The following TMEM200A variants were observed in gnomAD, a reference collection of about 807,000 sequenced individuals.
TMEM200A encodes transmembrane protein 200A, also known as two transmembrane C.
In TMEM200A, 12 loss-of-function variants were observed where a neutral mutation model predicts 24.3. That is an observed-to-expected ratio of 0.49 (90% CI 0.32 to 0.80). The LOEUF is 0.80. TMEM200A is among the 30% of genes least tolerant of loss of function. The probability of loss-of-function intolerance (pLI) is 0.04; values close to 1 mark genes in which losing one functional copy is unlikely to be tolerated. For synonymous variants in TMEM200A, 224 were observed against 224.4 expected, an observed-to-expected ratio of 1.00 and a Z score of 0.02; for missense variants, 545 against 614.4, an observed-to-expected ratio of 0.89 and a Z score of 1.19.
At chr6:130,424,114 C>CTGTT (rs76739546) in intron 2 of TMEM200A, among the ~76,000 whole-genome samples, 23,121 of 152,002 alleles carry the variant, frequency 0.15, 1,945 homozygotes, top group East Asian at 0.35. Flanking sequence ...TCTTTCTCAT[C>CTGTT]TGTTTTCTCC....
intron 2 of TMEM200A, among the ~76,000 whole-genome samples, chr6:130,397,900 AAT>A (rs1778988434): frequency 6.6e-6 from 1 of 151,574 alleles, no homozygotes; most frequent in Non-Finnish European, 1.5e-5. Flanking sequence ...AAAATATAGT[AAT>A]ATTTTTATTT....
At position 130,390,156 on chromosome 6, in the gene TMEM200A, GT is replaced by G. The variant is rs747649634; in HGVS notation, c.-17+4926del. Among the ~76,000 whole-genome samples the G allele has an allele frequency of 7.2e-5, 11 of 152,232 alleles. No individual in the cohort carries two copies. In the East Asian group the frequency reaches 1.9e-3, roughly 27 times the overall value. On this transcript the variant is annotated intron_variant, in intron 2 of 2. Transcript: ENST00000296978. ...AATTATTTTTGAATATAATTTAACT[GT>G]TTTTTCACTTACTAAATCTCAGGAT...
chr6:130,420,265 A>G (rs144398334), intron 2 of TMEM200A, among the ~76,000 whole-genome samples: 2 of 152,304 alleles, frequency 1.3e-5, no homozygotes, highest in African/African-American at 4.8e-5. Flanking sequence ...AGAATAGGTT[A>G]TGTGCAGTAA....
At chr6:130,432,465 T>C (rs540889464) in intron 2 of TMEM200A, among the ~76,000 whole-genome samples, 1 of 152,352 alleles carries the variant, frequency 6.6e-6, no homozygotes, top group Non-Finnish European at 1.5e-5. Context: ...AACTTCCAAA[T>C]TGTTAATGCT....
intron 2 of TMEM200A, among the ~76,000 whole-genome samples, chr6:130,416,995 T>C (rs951762252): frequency 7.2e-5 from 11 of 152,154 alleles, no homozygotes; most frequent in South Asian, 2.1e-4. Flanking sequence ...TTCCTCAAAC[T>C]GCCTTCTAAA....
chr6:130,421,510 T>TTGTGTGTGTGTGTGTGTGTGTGTG (rs60156754), intron 2 of TMEM200A, among the ~76,000 whole-genome samples: 3 of 148,928 alleles, frequency 2.0e-5, no homozygotes, highest in African/African-American at 7.4e-5. Flanking sequence ...ACAGTTACCT[T>TTGTGTGTGTGTGTGTGTGTGTGTG]TGTGTGTGTG....
rs190335251 is a variant in TMEM200A at position 130,435,509 on chromosome 6, A to G, written c.-16-4898A>G. 1.3e-3 allele frequency among the ~76,000 whole-genome samples: 199 copies of G among 152,296 alleles called. 2 individuals carry two copies. The highest frequency in any genetic ancestry group is 4.5e-3 in the African/African-American group (186 of 41,560). On this transcript the variant is annotated intron_variant, in intron 2 of 2. Transcript: ENST00000296978. ...GTCCATTTTTATTGCAATTACATGA[A>G]TATCTAAACAAATTAACAATGTGTA...
At chr6:130,381,584 C>T (rs1778596564) in intron 1 of TMEM200A, among the ~76,000 whole-genome samples, 1 of 152,160 alleles carries the variant, frequency 6.6e-6, no homozygotes, top group Non-Finnish European at 1.5e-5. Context: ...CCTCCCAGTA[C>T]AACAATCAGA....
chr6:130,379,257 T>C (rs1778539728), intron 1 of TMEM200A, among the ~76,000 whole-genome samples: 2 of 151,726 alleles, frequency 1.3e-5, no homozygotes, highest in Non-Finnish European at 2.9e-5. Flanking sequence ...CTGTGTTAAA[T>C]TGGAAAAAAT....
intron 1 of TMEM200A, among the ~76,000 whole-genome samples, chr6:130,381,432 G>A (rs73611663): frequency 0.016 from 2,452 of 152,250 alleles, 64 homozygotes; most frequent in African/African-American, 0.052. Flanking sequence ...AAGATGGCCC[G>A]TGAGGGAAGT....
chr6:130,399,668 AT>A (rs895035348), intron 2 of TMEM200A, among the ~76,000 whole-genome samples: 1 of 149,658 alleles, frequency 6.7e-6, no homozygotes, highest in Non-Finnish European at 1.5e-5. Context: ...TTATATTCAA[AT>A]TTATTTATTA....
chr6:130,412,488 C>T (rs1779355440), intron 2 of TMEM200A, among the ~76,000 whole-genome samples: 1 of 152,262 alleles, frequency 6.6e-6, no homozygotes, highest in Non-Finnish European at 1.5e-5. Flanking sequence ...GCCCACAGCC[C>T]CATATGAAGT....
At chr6:130,405,840 G>A (rs1434789895) in intron 2 of TMEM200A, among the ~76,000 whole-genome samples, 1 of 152,144 alleles carries the variant, frequency 6.6e-6, no homozygotes, top group Non-Finnish European at 1.5e-5. Context: ...TAATCCAGAT[G>A]ATAGACACTG....
chr6:130,375,360 CT>C (rs1245233942), intron 1 of TMEM200A, among the ~76,000 whole-genome samples: 6 of 152,122 alleles, frequency 3.9e-5, no homozygotes, highest in Non-Finnish European at 8.8e-5. Context: ...CATAAAATCT[CT>C]TATAACATGC....
chr6:130,396,623 C>T (rs1261910640), intron 2 of TMEM200A, among the ~76,000 whole-genome samples: 3 of 151,836 alleles, frequency 2.0e-5, no homozygotes, highest in South Asian at 4.2e-4. Context: ...TATATACACA[C>T]ATATTGTATA....
chr6:130,423,189 C>CTATG (rs1192295855), intron 2 of TMEM200A, among the ~76,000 whole-genome samples: 2 of 152,160 alleles, frequency 1.3e-5, no homozygotes, highest in African/African-American at 2.4e-5. Context: ...GGTATTTTCT[C>CTATG]TATGTATATC....
Position 130,441,118 on chromosome 6 carries a change from G to A in TMEM200A, c.696G>A (p.Met232Ile). 6.2e-7 allele frequency: 1 copy of A among 1,614,048 alleles called. No homozygotes were observed. Residue 232 changes from methionine to isoleucine, a missense_variant, in exon 3 of 3, where the codon ATG (methionine) becomes ATA (isoleucine). Coordinates refer to ENST00000296978, the MANE Select transcript of TMEM200A (RefSeq NM_001258277.2). Reference sequence around the variant, plus strand: ...GCTCCGTGGAGGAGGATGAACTTATGTTAAATGAAGGTAAGAGTTCTGGGC... The same window carrying A: ...GCTCCGTGGAGGAGGATGAACTTATATTAAATGAAGGTAAGAGTTCTGGGC... ...MDSSVEEDEL[M>I]LNEGKSSGHL... is the part of the protein sequence containing the mutation.
intron 2 of TMEM200A, among the ~76,000 whole-genome samples, chr6:130,386,785 A>G (rs1382285982): frequency 6.6e-6 from 1 of 152,250 alleles, no homozygotes; most frequent in Non-Finnish European, 1.5e-5. Context: ...AGCATTTTCA[A>G]ATAAAACAAA....
chr6:130,404,167 A>G (rs1779154022), intron 2 of TMEM200A, among the ~76,000 whole-genome samples: 2 of 152,178 alleles, frequency 1.3e-5, no homozygotes, highest in Admixed American at 6.5e-5. Flanking sequence ...TAATAGAATG[A>G]TGTATATTCC....
Sources: allele counts gnomAD v4.1 joint callset (sites outside exome capture counted in the v4.1 genomes callset), GRCh38; gene constraint gnomAD v4.1.1; transcripts MANE v1.5; gene names NCBI Gene and HGNC (gene_info 2026-07-23, HGNC 2026-07-21).